Variants in DPP10 observed in about 807,000 individuals in gnomAD.
The protein encoded by DPP10 is inactive dipeptidyl peptidase 10.
A neutral mutation model predicts 120.9 loss-of-function variants in DPP10; 33 were observed. That is an observed-to-expected ratio of 0.27 (90% confidence interval 0.21 to 0.37). DPP10 has a LOEUF of 0.37. DPP10 is among the 10% of genes least tolerant of loss of function. The pLI, the probability that DPP10 is intolerant of heterozygous loss-of-function variation, is 1.00. For synonymous variants in DPP10, 337 were observed against 326.1 expected (o/e 1.03, Z -0.36); for missense variants, 816 against 942.8 (o/e 0.87, Z 1.76).
intron 1 of DPP10, among the ~76,000 whole-genome samples, chr2:114,564,405 G>A (rs1689038699): frequency 6.6e-6 from 1 of 152,068 alleles, no homozygotes; most frequent in South Asian, 2.1e-4. Context: ...CCATAGCAGA[G>A]GAGAAAGACT....
At chr2:114,843,240 C>T (rs1304548922) in intron 1 of DPP10, among the ~76,000 whole-genome samples, 1 of 152,074 alleles carries the variant, frequency 6.6e-6, no homozygotes, top group Non-Finnish European at 1.5e-5. Flanking sequence ...AAAGCAAGCA[C>T]AAAATCTCCC....
At position 115,349,613 on chromosome 2, in the gene DPP10, C is replaced by T. The variant is rs1354506682; in HGVS notation, c.271+5701C>T. 3.3e-5 allele frequency among the ~76,000 whole-genome samples: 5 copies of T among 151,954 alleles called. No individual in the cohort carries two copies. The East Asian group carries it at 9.7e-4, about 29-fold the overall frequency. On this transcript the variant is annotated intron_variant, in intron 3 of 25. Transcript: ENST00000410059. ...GGAGGTCTCATTCTCATAATATATG[C>T]AGGATATTGAAGAGGCAGTGAAAAG...
At chr2:114,455,831 A>G (rs1416743658) in intron 1 of DPP10, among the ~76,000 whole-genome samples, 1 of 151,812 alleles carries the variant, frequency 6.6e-6, no homozygotes, top group African/African-American at 2.4e-5. Flanking sequence ...ATTTCTTCTA[A>G]TATTTCCAGA....
At chr2:115,528,052 G>A (rs2078238412) in intron 5 of DPP10, among the ~76,000 whole-genome samples, 3 of 152,114 alleles carry the variant, frequency 2.0e-5, no homozygotes. Flanking sequence ...CTTTATAGCA[G>A]CATTATTTGT....
chr2:114,502,361 G>T (rs561738349), intron 1 of DPP10, among the ~76,000 whole-genome samples: 2 of 151,978 alleles, frequency 1.3e-5, no homozygotes, highest in South Asian at 4.1e-4. Flanking sequence ...CATTTAAACT[G>T]GATTGCTACT....
intron 1 of DPP10, among the ~76,000 whole-genome samples, chr2:114,885,408 C>A (rs2106618271): frequency 6.6e-6 from 1 of 152,292 alleles, no homozygotes; most frequent in South Asian, 2.1e-4. Flanking sequence ...CAGGTCCCCC[C>A]TTCAGTACCG....
chr2:115,340,337 A>G (rs1436438834), intron 2 of DPP10, among the ~76,000 whole-genome samples: 1 of 152,228 alleles, frequency 6.6e-6, no homozygotes, highest in East Asian at 1.9e-4. Flanking sequence ...TATACTTTGC[A>G]CTAAATTCAA....
intron 17 of DPP10, among the ~76,000 whole-genome samples, chr2:115,785,517 A>T (rs1480065463): frequency 6.6e-6 from 1 of 152,052 alleles, no homozygotes; most frequent in Non-Finnish European, 1.5e-5. Flanking sequence ...TTCATAAATC[A>T]TTATCGGTCT....
At chr2:115,572,424 G>A (rs538114660) in intron 5 of DPP10, among the ~76,000 whole-genome samples, 4 of 152,136 alleles carry the variant, frequency 2.6e-5, no homozygotes, top group African/African-American at 7.2e-5. Flanking sequence ...TGTGAAGTAT[G>A]GAGAAAAATA....
intron 1 of DPP10, among the ~76,000 whole-genome samples, chr2:115,077,657 A>G (rs1025486408): frequency 2.0e-5 from 3 of 152,188 alleles, no homozygotes; most frequent in African/African-American, 7.2e-5. Flanking sequence ...TTTCACCTTT[A>G]ACTTCTTTTT....
chr2:114,650,489 A>G (rs537644718), intron 1 of DPP10, among the ~76,000 whole-genome samples: 18 of 152,346 alleles, frequency 1.2e-4, no homozygotes, highest in Admixed American at 1.0e-3. Flanking sequence ...TGAACTCCAC[A>G]TACCCATCAT....
At chr2:115,782,992 T>C (rs1682950774) in intron 17 of DPP10, among the ~76,000 whole-genome samples, 2 of 152,100 alleles carry the variant, frequency 1.3e-5, no homozygotes, top group Admixed American at 1.3e-4. Context: ...AGTAGATAAA[T>C]AAATGCATGG....
chr2:114,783,056 C>T (rs1682467468), intron 1 of DPP10, among the ~76,000 whole-genome samples: 1 of 151,688 alleles, frequency 6.6e-6, no homozygotes, highest in Non-Finnish European at 1.5e-5. Flanking sequence ...AGATTAGAAA[C>T]AAAAAATATC....
intron 1 of DPP10, among the ~76,000 whole-genome samples, chr2:114,688,732 T>C (rs1699536009): frequency 6.6e-6 from 1 of 151,926 alleles, no homozygotes; most frequent in Non-Finnish European, 1.5e-5. Flanking sequence ...ATGATAGAGA[T>C]GGGCACAGAG....
intron 3 of DPP10, among the ~76,000 whole-genome samples, chr2:115,478,943 C>T (rs997485677): frequency 1.3e-5 from 2 of 152,084 alleles, no homozygotes; most frequent in South Asian, 2.1e-4. Context: ...AAGTCTTGTG[C>T]ACTATTTGGT....
At chr2:115,091,057 G>C (rs1709211268) in intron 1 of DPP10, among the ~76,000 whole-genome samples, 1 of 152,092 alleles carries the variant, frequency 6.6e-6, no homozygotes, top group African/African-American at 2.4e-5. Flanking sequence ...TTTCAGGGTG[G>C]GATTGTGACT....
At chr2:115,254,656 A>G (rs933177547) in intron 1 of DPP10, among the ~76,000 whole-genome samples, 1 of 152,200 alleles carries the variant, frequency 6.6e-6, no homozygotes, top group African/African-American at 2.4e-5. Flanking sequence ...TCACAGATAC[A>G]ATGGGAGTGC....
intron 3 of DPP10, among the ~76,000 whole-genome samples, chr2:115,372,010 A>T (rs1023239449): frequency 6.6e-6 from 1 of 152,044 alleles, no homozygotes; most frequent in African/African-American, 2.4e-5. Context: ...TTATATGCTA[A>T]TTTTTCTCCT....
intron 1 of DPP10, among the ~76,000 whole-genome samples, chr2:114,861,093 T>A (rs1437260237): frequency 2.0e-5 from 3 of 152,226 alleles, no homozygotes; most frequent in Non-Finnish European, 1.5e-5. Context: ...GCTATTTGTG[T>A]GTAGATACTG....
Sources: allele counts gnomAD v4.1 joint callset (sites outside exome capture counted in the v4.1 genomes callset), GRCh38; gene constraint gnomAD v4.1.1; transcripts MANE v1.5; gene names NCBI Gene and HGNC (gene_info 2026-07-23, HGNC 2026-07-21).